The following MMP16 variants were observed in gnomAD, a reference collection of about 807,000 sequenced individuals.
MMP16 encodes matrix metallopeptidase 16.
Under a neutral mutation model 67.8 loss-of-function variants are expected in MMP16, and 12 were observed. That is an observed-to-expected ratio of 0.18 (90% CI 0.11 to 0.29). The LOEUF (loss-of-function observed/expected upper bound fraction) is 0.29. MMP16 is among the 10% of genes least tolerant of loss of function. MMP16 has a pLI of 1.00. For missense variants in MMP16, 475 were observed against 765.7 expected, an observed-to-expected ratio of 0.62 and a Z score of 4.48; for synonymous variants, 249 against 255.9, an observed-to-expected ratio of 0.97 and a Z score of 0.26.
chr8:88,273,091 C>CT lies in MMP16; in HGVS notation c.132+53983dup, dbSNP rs372256026. Among the ~76,000 whole-genome samples, 273 of 146,918 alleles carry CT rather than the reference C, an allele frequency of 1.9e-3. 2 individuals are homozygous for CT. Among genetic ancestry groups the CT allele is most frequent in the African/African-American group, 5.6e-3 (227 of 40,226 alleles). On this transcript the variant is annotated intron_variant, in intron 1 of 9. Transcript: ENST00000286614. ...ATAGCTAAATAGAAAATAACCTGCC[C>CT]TTTTTTTTTTGAGACAGAGTCTTGC...
rs1398195881 is a variant in MMP16 at position 88,162,250 on chromosome 8, G to C, written c.709+5419C>G. Among the ~76,000 whole-genome samples, 6 of 152,042 alleles carry C rather than the reference G, an allele frequency of 3.9e-5. No individual in the cohort carries two copies. In the East Asian group the frequency reaches 1.2e-3, roughly 30 times the overall value. ...TATGTAACTGAAAGGTTTTAAAAAA[G>C]TCAGTACTATCAAACTTTTGATTAC... On this transcript the variant is annotated intron_variant, in intron 4 of 9. Transcript: ENST00000286614.
chr8:88,186,569 G>C lies in MMP16; in HGVS notation c.311C>G (p.Pro104Arg). 6.3e-7 allele frequency: 1 copy of C among 1,582,822 alleles called. No homozygotes were observed. The highest frequency in any genetic ancestry group is 1.1e-5 in the South Asian group (1 of 90,180). ...TTTGGAGCTACCTCTTGTCTGGTCA[G>C]GTACACCGCATCGGGGCTTCTTCAT... ...DWMKKPRCGV[P>R]DQTRGSSKFH... The change falls in exon 3 of 10, where the codon CCT (proline) becomes CGT (arginine). Residue 104 changes from proline to arginine, a missense_variant. Physicochemically the swap from Pro to Arg is moderately radical, Grantham distance 103. This residue lies in a region of MMP16 where 170 missense variants were observed against 239.6 expected (regional missense o/e 0.71). Coordinates refer to ENST00000286614, the MANE Select transcript of MMP16 (RefSeq NM_005941.5).
chr8:88,301,876 A>G (rs1811106907), intron 1 of MMP16, among the ~76,000 whole-genome samples: 1 of 152,242 alleles, frequency 6.6e-6, no homozygotes, highest in African/African-American at 2.4e-5. Context: ...TCAAATGGCT[A>G]AAACTTTTTA....
intron 1 of MMP16, among the ~76,000 whole-genome samples, chr8:88,247,424 A>C (rs1268253707): frequency 6.6e-6 from 1 of 152,064 alleles, no homozygotes; most frequent in Non-Finnish European, 1.5e-5. Context: ...AGAGGGTATA[A>C]AGTTGTGACA....
At chr8:88,190,892 A>C (rs1298134539) in intron 2 of MMP16, among the ~76,000 whole-genome samples, 4 of 152,230 alleles carry the variant, frequency 2.6e-5, no homozygotes, top group Middle Eastern at 6.8e-3. Context: ...CACAACTCAT[A>C]TAACTGTGCT....
At chr8:88,109,582 G>C (rs964112291) in intron 6 of MMP16, among the ~76,000 whole-genome samples, 1 of 151,094 alleles carries the variant, frequency 6.6e-6, no homozygotes, top group African/African-American at 2.4e-5. Flanking sequence ...GGTCAACAGT[G>C]GCACATTCAC....
intron 4 of MMP16, among the ~76,000 whole-genome samples, chr8:88,157,800 T>C (rs945845680): frequency 1.3e-5 from 2 of 152,128 alleles, no homozygotes; most frequent in Admixed American, 6.6e-5. Context: ...TAGGCATATC[T>C]CATAGTGCTA....
At chr8:88,318,691 C>T (rs182564439) in intron 1 of MMP16, among the ~76,000 whole-genome samples, 1 of 152,130 alleles carries the variant, frequency 6.6e-6, no homozygotes, top group East Asian at 1.9e-4. Flanking sequence ...GCAGATCCAA[C>T]ACTGTGTAAC....
intron 1 of MMP16, among the ~76,000 whole-genome samples, chr8:88,223,746 C>T (rs1026022608): frequency 2.7e-5 from 4 of 150,378 alleles, no homozygotes; most frequent in East Asian, 2.0e-4. Context: ...ATGTAAATGA[C>T]GAGTTAATGG....
intron 1 of MMP16, among the ~76,000 whole-genome samples, chr8:88,208,688 A>G (rs1165816455): frequency 6.6e-6 from 1 of 152,160 alleles, no homozygotes; most frequent in Non-Finnish European, 1.5e-5. Context: ...TCATTGTTAT[A>G]TAAAAAGCCA....
chr8:88,060,975 T>G (rs568246533), intron 7 of MMP16, among the ~76,000 whole-genome samples: 33 of 151,450 alleles, frequency 2.2e-4, no homozygotes, highest in African/African-American at 6.8e-4. Context: ...AGAAAAATTT[T>G]ACAACCACTA....
At chr8:88,295,857 C>G (rs911629020) in intron 1 of MMP16, among the ~76,000 whole-genome samples, 1 of 151,996 alleles carries the variant, frequency 6.6e-6, no homozygotes, top group African/African-American at 2.4e-5. Flanking sequence ...TTTTTATGTG[C>G]AGGATGATAT....
chr8:88,088,800 G>T (rs2118336873), intron 6 of MMP16, among the ~76,000 whole-genome samples: 1 of 152,124 alleles, frequency 6.6e-6, no homozygotes, highest in East Asian at 1.9e-4. Flanking sequence ...AAGTTCTAAG[G>T]CAGTCTTGAG....
intron 3 of MMP16, among the ~76,000 whole-genome samples, chr8:88,172,200 C>T (rs1245285434): frequency 1.3e-5 from 2 of 152,048 alleles, no homozygotes; most frequent in African/African-American, 4.8e-5. Context: ...AGTAACCCCT[C>T]ATTTTTTTTA....
chr8:88,226,511 T>A (rs373862130), intron 1 of MMP16, among the ~76,000 whole-genome samples: 1 of 152,122 alleles, frequency 6.6e-6, no homozygotes. Context: ...ATTTTCAAGT[T>A]CTGTGGTATT....
chr8:88,070,102 T>G (rs1468809575), intron 7 of MMP16, among the ~76,000 whole-genome samples: 1 of 152,164 alleles, frequency 6.6e-6, no homozygotes, highest in East Asian at 1.9e-4. Context: ...ATATTTTTAT[T>G]TATTTCACTA....
In MMP16 at chr8:88,280,604, A is replaced by T. The variant is rs545993862; in HGVS notation, c.132+46471T>A. ...TTATTTTGTTTTTCTTTTGTTTTTT[A>T]AAAAATATCTGCCCAGGCATGGATG... On this transcript the variant is annotated intron_variant, in intron 1 of 9. Transcript: ENST00000286614. Among the ~76,000 whole-genome samples the T allele has an allele frequency of 2.4e-3, 360 of 152,268 alleles. 2 individuals are homozygous for T. In the Middle Eastern group the frequency reaches 0.027, roughly 12 times the overall value.
chr8:88,224,048 T>C (rs1256384473), intron 1 of MMP16, among the ~76,000 whole-genome samples: 3 of 151,896 alleles, frequency 2.0e-5, no homozygotes, highest in Non-Finnish European at 4.4e-5. Context: ...ACAAGAACAT[T>C]AAAAAACTGC....
chr8:88,098,127 C>T (rs571060969), intron 6 of MMP16, among the ~76,000 whole-genome samples: 3 of 151,968 alleles, frequency 2.0e-5, no homozygotes, highest in African/African-American at 4.8e-5. Flanking sequence ...TTATGCTCAT[C>T]GATATGTTTT....
Sources: gnomAD v4.1 joint callset for allele counts (sites outside exome capture counted in the v4.1 genomes callset) on GRCh38, gnomAD v4.1.1 for gene constraint, gnomAD v4.1.1 regional missense constraint, MANE v1.5 for transcripts, NCBI Gene and HGNC (gene_info 2026-07-23, HGNC 2026-07-21) for gene names.